Variants in CPNE4 observed in about 807,000 individuals in gnomAD.
CPNE4 encodes the protein copine 4, also known as copine-4.
In CPNE4, 25 loss-of-function variants were observed where a neutral mutation model predicts 67.9. The ratio of observed to expected loss-of-function variants is 0.37; its 90% CI spans 0.27 to 0.51. The LOEUF (loss-of-function observed/expected upper bound fraction) is 0.51. Ranked by LOEUF, CPNE4 falls within the 20% of genes least tolerant of loss-of-function variation. The probability of loss-of-function intolerance (pLI) is 0.93; values close to 1 mark genes in which losing one functional copy is unlikely to be tolerated. For synonymous variants in CPNE4, 242 were observed against 244.9 expected, an observed-to-expected ratio of 0.99 and a Z score of 0.11; for missense variants, 464 against 690.8, an observed-to-expected ratio of 0.67 and a Z score of 3.68.
chr3:132,001,098 T>C (rs1345382831), intron 1 of CPNE4, among the ~76,000 whole-genome samples: 2 of 152,028 alleles, frequency 1.3e-5, no homozygotes, highest in Admixed American at 6.6e-5. Context: ...ACTCTTCATA[T>C]TGTAGATGCA....
chr3:131,717,453 G>A (rs1490403936), intron 3 of CPNE4, among the ~76,000 whole-genome samples: 2 of 152,138 alleles, frequency 1.3e-5, no homozygotes, highest in Non-Finnish European at 2.9e-5. Context: ...TAGGGATTAA[G>A]CTCCCACATC....
chr3:131,928,905 T>C (rs1237855), intron 1 of CPNE4, among the ~76,000 whole-genome samples: 62,485 of 151,988 alleles, frequency 0.41, 12,975 homozygotes, highest in Middle Eastern at 0.44. Context: ...GCTTCTGATA[T>C]TTACCATAAG....
chr3:131,678,437 C>T (rs991385490), intron 6 of CPNE4, among the ~76,000 whole-genome samples: 3 of 151,970 alleles, frequency 2.0e-5, no homozygotes, highest in South Asian at 2.1e-4. Flanking sequence ...TTCTTTCTCT[C>T]GCCTGATTGC....
At chr3:131,725,790 A>G (rs756470276) in intron 2 of CPNE4, among the ~76,000 whole-genome samples, 66 of 152,286 alleles carry the variant, frequency 4.3e-4, no homozygotes, top group Non-Finnish European at 8.7e-4. Context: ...CTTCCTTTAG[A>G]AAAACTTGGA....
At chr3:131,917,298 TG>T (rs1456343035) in intron 1 of CPNE4, among the ~76,000 whole-genome samples, 1 of 152,192 alleles carries the variant, frequency 6.6e-6, no homozygotes, top group African/African-American at 2.4e-5. Context: ...AGTGTTGCTA[TG>T]GATGAAAACA....
chr3:131,986,104 C>T (rs114255315), intron 1 of CPNE4, among the ~76,000 whole-genome samples: 348 of 152,262 alleles, frequency 2.3e-3, no homozygotes, highest in African/African-American at 8.0e-3. Context: ...GAAAAGTCAT[C>T]GCTTGAGAAG....
At chr3:131,950,988 T>C (rs2071705232) in intron 1 of CPNE4, among the ~76,000 whole-genome samples, 1 of 152,240 alleles carries the variant, frequency 6.6e-6, no homozygotes. Context: ...GTTCATTTCC[T>C]GTTGTTTGTT....
chr3:131,667,353 C>T (rs571102129), intron 7 of CPNE4, among the ~76,000 whole-genome samples: 10 of 152,196 alleles, frequency 6.6e-5, no homozygotes, highest in African/African-American at 2.4e-4. Flanking sequence ...TGTACTATAC[C>T]AGTGGTTCTT....
chr3:131,748,811 C>G (rs2082553772), intron 2 of CPNE4, among the ~76,000 whole-genome samples: 1 of 152,016 alleles, frequency 6.6e-6, no homozygotes, highest in South Asian at 2.1e-4. Flanking sequence ...GTGGCAATAT[C>G]CTTGGTTTCA....
chr3:131,881,264 T>C (rs2087664097), intron 2 of CPNE4, among the ~76,000 whole-genome samples: 1 of 152,216 alleles, frequency 6.6e-6, no homozygotes, highest in Non-Finnish European at 1.5e-5. Flanking sequence ...CCTTTAGCTT[T>C]AGCCTTGGCC....
intron 2 of CPNE4, among the ~76,000 whole-genome samples, chr3:131,810,253 T>C (rs1286226903): frequency 1.3e-5 from 2 of 152,026 alleles, no homozygotes; most frequent in Admixed American, 6.6e-5. Flanking sequence ...ATCAGCAAAA[T>C]GAAGAGGTAG....
Position 131,738,442 on chromosome 3 carries a change from A to G in CPNE4, c.181-14817T>C, listed in dbSNP as rs148962495. Reference sequence around the variant, plus strand: ...ACCAAAGGAAGCAAATTTTGGCTCCATAAAGGAAGACCTTTCATATAATCA... The same window carrying G: ...ACCAAAGGAAGCAAATTTTGGCTCCGTAAAGGAAGACCTTTCATATAATCA... On this transcript the variant is annotated intron_variant, in intron 2 of 15. Coordinates refer to ENST00000429747, the MANE Select transcript of CPNE4 (RefSeq NM_130808.3). Among the ~76,000 whole-genome samples the G allele has an allele frequency of 1.9e-3, 276 of 146,140 alleles. 1 individual carries two copies. Among genetic ancestry groups the G allele is most frequent in the African/African-American group, 6.6e-3 (258 of 39,054 alleles).
intron 7 of CPNE4, among the ~76,000 whole-genome samples, chr3:131,596,829 G>A (rs1186706035): frequency 6.6e-6 from 1 of 151,932 alleles, no homozygotes; most frequent in Non-Finnish European, 1.5e-5. Flanking sequence ...TACAGATTTT[G>A]GACTTGCCTA....
rs551180031 is a variant in CPNE4 at position 131,746,298 on chromosome 3, T to C, written c.181-22673A>G. ...TTAGAACATTAAAATCACTCTCTCT[T>C]AGGTATTTTGAAATATGCAATACAT... On this transcript the variant is annotated intron_variant, in intron 2 of 15. Transcript: ENST00000429747. 4.6e-5 allele frequency among the ~76,000 whole-genome samples: 7 copies of C among 152,208 alleles called. 1 individual carries two copies. Among genetic ancestry groups the C allele is most frequent in the Admixed American group, 4.6e-4 (7 of 15,276 alleles).
chr3:131,545,817 A>C (rs1171625171), intron 14 of CPNE4, among the ~76,000 whole-genome samples: 3 of 152,220 alleles, frequency 2.0e-5, no homozygotes, highest in Non-Finnish European at 2.9e-5. Flanking sequence ...TAATCCTAGC[A>C]CTTTGGAAGG....
intron 7 of CPNE4, among the ~76,000 whole-genome samples, chr3:131,642,213 C>T (rs1380623386): frequency 1.3e-5 from 2 of 151,040 alleles, no homozygotes; most frequent in Non-Finnish European, 2.9e-5. Flanking sequence ...ATTCAAATAT[C>T]TCCAGAGACC....
chr3:131,904,977 C>T (rs1223488309), intron 2 of CPNE4, among the ~76,000 whole-genome samples: 6 of 152,028 alleles, frequency 3.9e-5, no homozygotes, highest in African/African-American at 1.4e-4. Flanking sequence ...CTCTTGCTAC[C>T]TGTGTGTTGC....
intron 2 of CPNE4, among the ~76,000 whole-genome samples, chr3:131,814,351 C>T (rs907369315): frequency 4.6e-5 from 7 of 151,952 alleles, no homozygotes; most frequent in African/African-American, 1.7e-4. Context: ...AGAGAGAAAA[C>T]AGCACTCTAG....
upstream of CPNE4, among the ~76,000 whole-genome samples, chr3:132,037,339 T>C (rs971013161): frequency 1.3e-5 from 2 of 152,188 alleles, no homozygotes; most frequent in Non-Finnish European, 2.9e-5. Flanking sequence ...TCTGAAGGCA[T>C]GACACTGAAG....
Sources: allele counts gnomAD v4.1 joint callset (sites outside exome capture counted in the v4.1 genomes callset), GRCh38; gene constraint gnomAD v4.1.1; transcripts MANE v1.5; gene names NCBI Gene and HGNC (gene_info 2026-07-23, HGNC 2026-07-21).